The following RCC1 variants were observed in gnomAD, a reference collection of about 807,000 sequenced individuals.
RCC1 encodes the protein regulator of chromosome condensation 1.
A neutral mutation model predicts 44.4 loss-of-function variants in RCC1; 11 were observed. That is an observed-to-expected ratio of 0.25 (90% CI 0.16 to 0.41). The LOEUF (loss-of-function observed/expected upper bound fraction) is 0.41, where lower values mean the gene tolerates loss of function less well. Ranked by LOEUF, RCC1 falls within the 10% of genes least tolerant of loss-of-function variation. The pLI is 1.00. For missense variants in RCC1, 386 were observed against 547.1 expected, an observed-to-expected ratio of 0.71 and a Z score of 2.94; for synonymous variants, 213 against 216.5, an observed-to-expected ratio of 0.98 and a Z score of 0.14.
rs758982058 is a variant in RCC1, at chr1:28,508,816, T to C, written c.-228-14T>C. On this transcript the variant is annotated splice_polypyrimidine_tract_variant and intron_variant, in intron 2 of 12. Transcript: ENST00000683442. ...GGATCTTCAGGAGTCTAATCATTAT[T>C]TCTTTTCTTTTAGGAGAGAAGACGA... is the stretch of plus-strand genomic sequence containing the variant. 12 of 517,576 alleles carry C rather than the reference T, an allele frequency of 2.3e-5. No homozygotes were observed. The highest frequency in any genetic ancestry group is 1.5e-4 in the South Asian group (11 of 71,436). The allele number at this position is 517,576 out of a possible 1,614,324, so 32.1% of individuals were successfully genotyped here.
At chr1:28,532,814 G>A (rs1664262067) in intron 7 of RCC1, 18 of 440,026 alleles carry the variant, frequency 4.1e-5, no homozygotes, top group South Asian at 2.9e-4. Context: ...TGTTGTTGTT[G>A]TTGTTTTTGT....
chr1:28,535,028 G>C lies in RCC1; in HGVS notation c.442-22G>C, dbSNP rs1273993507. ...CGGGGCAGGCAGGACTGGCTGATAA[G>C]TGCCCTGTCCCTCCCTTCTAGGACA... On this transcript the variant is annotated intron_variant, in intron 7 of 12. Transcript: ENST00000683442. 2.5e-6 allele frequency: 4 copies of C among 1,597,416 alleles called. No individual in the cohort carries two copies. In the Admixed American group the frequency reaches 5.0e-5, roughly 20 times the overall value.
intron 3 of RCC1, among the ~76,000 whole-genome samples, chr1:28,516,174 C>G (rs1029681787): frequency 1.3e-5 from 2 of 151,270 alleles, no homozygotes; most frequent in Admixed American, 1.3e-4. Flanking sequence ...GTCAGGAGTT[C>G]GAGATCAGCC....
intron 4 of RCC1, chr1:28,526,491 C>A (rs893055708): frequency 1.7e-6 from 1 of 572,880 alleles, no homozygotes; most frequent in South Asian, 1.9e-5. Flanking sequence ...CCAGGCAAGA[C>A]GGCTAAAGTG....
intron 4 of RCC1, among the ~76,000 whole-genome samples, chr1:28,525,954 C>G (rs976078847): frequency 6.6e-6 from 1 of 152,082 alleles, no homozygotes; most frequent in Non-Finnish European, 1.5e-5. Context: ...TAGGTAGAGG[C>G]TTAGACAACT....
intron 3 of RCC1, among the ~76,000 whole-genome samples, chr1:28,512,604 C>T (rs1662631846): frequency 6.6e-6 from 1 of 151,924 alleles, no homozygotes; most frequent in Non-Finnish European, 1.5e-5. Flanking sequence ...TGATTGGAGA[C>T]CTTTCTTTTT....
At chr1:28,518,193 T>C (rs1227067229) in intron 4 of RCC1, 2 of 151,690 alleles carry the variant, frequency 1.3e-5, no homozygotes, top group Non-Finnish European at 1.5e-5. Flanking sequence ...GCCGCCGGGC[T>C]CTTTGTTTTC....
At position 28,506,048 on chromosome 1, in the gene RCC1, T is replaced by C. The variant is rs964330572; in HGVS notation, c.-298T>C. 9 of 455,976 alleles carry C rather than the reference T, an allele frequency of 2.0e-5. No homozygotes were observed. Among genetic ancestry groups the C allele is most frequent in the African/African-American group, 1.2e-4 (6 of 50,078 alleles). The allele number at this position is 455,976 out of a possible 1,614,324, so 28.2% of individuals were successfully genotyped here. A position where few individuals can be genotyped will look rare whatever the true frequency, so the allele number is the denominator to read the frequency against. ...ATGCTTCGCGTTTTCTCTCTCCTTT[T>C]TGGAGACAGATTCGCAGTGGTCGCT... On this transcript the variant is annotated 5_prime_UTR_variant, in exon 1 of 13. Coordinates refer to ENST00000683442, the MANE Select transcript of RCC1 (RefSeq NM_001381865.2).
At chr1:28,526,568 A>G in intron 4 of RCC1, 1 of 573,536 alleles carries the variant, frequency 1.7e-6, no homozygotes, top group South Asian at 2.0e-5. Flanking sequence ...TGTCACTAGA[A>G]GCAACAATTT....
In RCC1 at chr1:28,536,921, C is replaced by CT. The variant is rs1360992800; in HGVS notation, c.1090+23dup. ...GATGGTGAGTGGGGCTGCCTACACTCTGTCTAGTTGGGACCTGGGGGTCAT... is the reference window on the plus strand; with the variant it reads ...GATGGTGAGTGGGGCTGCCTACACTCTTGTCTAGTTGGGACCTGGGGGTCAT... On this transcript the variant is annotated intron_variant, in intron 12 of 12. Transcript: ENST00000683442. This position sits in a 1 kb window ranked among gnomAD's most constrained non-coding sequence, Gnocchi z 4.9. 16 of 1,613,380 alleles carry CT rather than the reference C, an allele frequency of 9.9e-6. No homozygotes were observed. Among genetic ancestry groups the CT allele is most frequent in the African/African-American group, 1.3e-5 (1 of 74,808 alleles).
rs529623982 is a variant in RCC1 at position 28,516,374 on chromosome 1, T to C, written c.-152-351T>C. On this transcript the variant is annotated intron_variant, in intron 3 of 12. Transcript: ENST00000683442. Reference sequence around the variant, plus strand: ...TAAAAATACAAAAATTAGCTGGGTGTGGTGGCAGGCACCTGTAATCCCAGC... The same window carrying C: ...TAAAAATACAAAAATTAGCTGGGTGCGGTGGCAGGCACCTGTAATCCCAGC... 2.0e-5 allele frequency among the ~76,000 whole-genome samples: 3 copies of C among 152,016 alleles called. No homozygotes were observed. The South Asian group carries it at 6.2e-4, about 32-fold the overall frequency.
intron 7 of RCC1, 104 bp downstream of exon 7, chr1:28,532,454 G>T: frequency 7.8e-7 from 1 of 1,282,996 alleles, no homozygotes; most frequent in Non-Finnish European, 1.1e-6. Flanking sequence ...TTACTGGTGG[G>T]GAGATGAAAG....
intron 4 of RCC1, among the ~76,000 whole-genome samples, chr1:28,519,805 T>G (rs1333925107): frequency 6.6e-6 from 1 of 151,462 alleles, no homozygotes; most frequent in Non-Finnish European, 1.5e-5. Flanking sequence ...ACTCCTGACC[T>G]CAGGTGATCC....
At chr1:28,520,549 A>G (rs1663204393) in intron 4 of RCC1, among the ~76,000 whole-genome samples, 2 of 152,082 alleles carry the variant, frequency 1.3e-5, no homozygotes. Flanking sequence ...TCTTCCCCTT[A>G]GCTGTAAAAC....
At chr1:28,535,232 T>C in intron 8 of RCC1, 26 bp from the exon 9 acceptor site, 2 of 1,614,196 alleles carry the variant, frequency 1.2e-6, no homozygotes, top group African/African-American at 2.7e-5. Flanking sequence ...AGTTGTGGCC[T>C]GCATCCCTTA....
intron 2 of RCC1, 82 bp from the exon 3 acceptor site, chr1:28,508,748 A>G (rs763809130): frequency 5.8e-6 from 3 of 515,072 alleles, no homozygotes; most frequent in Non-Finnish European, 1.2e-5. Flanking sequence ...GAGACAAACC[A>G]TGCAGGAAAC....
chr1:28,507,156 G>A (rs949189268), intron 1 of RCC1: 3 of 290,444 alleles, frequency 1.0e-5, no homozygotes, highest in South Asian at 3.0e-5. Context: ...TTGCTTCTGC[G>A]GTACCTTCCA....
At chr1:28,508,482 AC>A in intron 2 of RCC1, 1 of 456,844 alleles carries the variant, frequency 2.2e-6, no homozygotes, top group Admixed American at 2.3e-5. Flanking sequence ...TGAGAAAGAT[AC>A]TAGCCCTTGA....
intron 4 of RCC1, 92 bp downstream of exon 4, chr1:28,516,959 A>G: frequency 4.7e-6 from 2 of 429,540 alleles, no homozygotes; most frequent in South Asian, 3.3e-5. Context: ...AGTCTCTACT[A>G]AAAATACGAA....
Sources: gnomAD v4.1 joint callset for allele counts (sites outside exome capture counted in the v4.1 genomes callset) on GRCh38, gnomAD v4.1.1 for gene constraint, Gnocchi (gnomAD v3.1) non-coding constraint, MANE v1.5 for transcripts, NCBI Gene and HGNC (gene_info 2026-07-23, HGNC 2026-07-21) for gene names.